The following MYH16 variants were observed in gnomAD, a reference collection of about 807,000 sequenced individuals.
MYH16 encodes the protein putative uncharacterized protein MYH16.
intron 12 of MYH16, chr7:99,260,342 G>C: frequency 1.6e-6 from 2 of 1,240,508 alleles, no homozygotes; most frequent in Admixed American, 1.8e-5. Context: ...AAGGTGACTT[G>C]CTTCTCAAAG....
At chr7:99,239,621 G>T (rs1791640511) in intron 1 of MYH16, among the ~76,000 whole-genome samples, 1 of 152,180 alleles carries the variant, frequency 6.6e-6, no homozygotes, top group Admixed American at 6.5e-5. Flanking sequence ...GACTCAACCT[G>T]GCTTATCGTG....
rs188714885 is a variant in MYH16 at position 99,306,594 on chromosome 7, G to A, written n.5636-15G>A. 316 of 152,522 alleles carry A rather than the reference G, an allele frequency of 2.1e-3. No individual in the cohort carries two copies. Among genetic ancestry groups the A allele is most frequent in the Non-Finnish European group, 3.2e-3 (217 of 68,024 alleles). 9.4% of individuals were successfully genotyped at this position (152,522 alleles called of 1,614,324 possible). ...CCACGTTTATGCCCCGTTTCCCGCC[G>A]TGCCTTTGTCACAGGAGGACCAGGC... On this transcript the variant is annotated splice_polypyrimidine_tract_variant and intron_variant and non_coding_transcript_variant, in intron 41 of 41. Transcript: ENST00000439784.
chr7:99,288,271 G>A (rs564190743), intron 29 of MYH16, 134 bp downstream of exon 10: 137 of 374,778 alleles, frequency 3.7e-4, no homozygotes, highest in Middle Eastern at 9.6e-4. Context: ...GCCAGACCTC[G>A]TCTCCTCAAA....
intron 41 of MYH16, 105 bp downstream of exon 22, chr7:99,306,141 G>A (rs1792675379): frequency 6.6e-6 from 1 of 152,366 alleles, no homozygotes; most frequent in Non-Finnish European, 1.5e-5. Context: ...AGCAAGCACT[G>A]GCCCTAAGAT....
At chr7:99,285,204 C>G (rs1245735642) in intron 26 of MYH16, among the ~76,000 whole-genome samples, 178 bp from the exon 9 acceptor site, 1 of 152,228 alleles carries the variant, frequency 6.6e-6, no homozygotes, top group African/African-American at 2.4e-5. Context: ...TCACACATGC[C>G]AGGCCCCCTC....
exon 6 of MYH16, chr7:99,251,183 C>T (rs1396019428): frequency 1.4e-5 from 3 of 217,410 alleles, no homozygotes; most frequent in Non-Finnish European, 3.0e-5. Context: ...ACTCCTCTCG[C>T]TTCGTAAGTG....
intron 11 of MYH16, chr7:99,260,060 C>T (rs1370183666): frequency 2.2e-6 from 2 of 906,174 alleles, no homozygotes; most frequent in East Asian, 3.1e-5. Context: ...CACTAGTGGG[C>T]CCTCTGCAAA....
intron 25 of MYH16, 27 bp downstream of exon 7, chr7:99,284,045 C>T (rs2150822748): frequency 2.3e-6 from 1 of 431,948 alleles, no homozygotes. Context: ...TTCGTTTTGT[C>T]CATCACAATG....
At chr7:99,284,958 T>C (rs1792258068) in intron 26 of MYH16, 23 bp downstream of exon 8, 1 of 456,318 alleles carries the variant, frequency 2.2e-6, no homozygotes, top group Non-Finnish European at 4.4e-6. Flanking sequence ...CCGAGAAGCA[T>C]GAGCTCTCTG....
rs770391861 is a variant in MYH16 at position 99,292,353 on chromosome 7, C to T, written n.3994C>T. 1.5e-4 allele frequency: 69 copies of T among 456,830 alleles called. 1 individual carries two copies. The highest frequency in any genetic ancestry group is 4.2e-4 in the South Asian group (27 of 64,572). 28.3% of individuals were successfully genotyped at this position (456,830 alleles called of 1,614,324 possible). ...TGGTGAGTCTGGCCAACACCAAGCA[C>T]GACCTGGACCTAGTAAAGGAGCAGC... On this transcript the variant is annotated non_coding_transcript_exon_variant, in exon 32 of 42. Coordinates refer to ENST00000439784, the Ensembl canonical transcript of MYH16.
intron 33 of MYH16, among the ~76,000 whole-genome samples, chr7:99,295,101 G>A (rs11976700): frequency 0.059 from 8,987 of 151,996 alleles, 437 homozygotes; most frequent in African/African-American, 0.12. Context: ...TAATACGGCC[G>A]GGCGCGGTGG....
chr7:99,295,240 G>A (rs548015373), intron 33 of MYH16, among the ~76,000 whole-genome samples: 10 of 152,088 alleles, frequency 6.6e-5, no homozygotes, highest in African/African-American at 1.4e-4. Context: ...TTAGCCGGGC[G>A]TGGTGGCAGG....
intron 1 of MYH16, among the ~76,000 whole-genome samples, chr7:99,240,911 T>A (rs1791660109): frequency 6.6e-6 from 1 of 151,828 alleles, no homozygotes; most frequent in South Asian, 2.1e-4. Flanking sequence ...TCTGCGCCTG[T>A]CTTCGAGAGG....
intron 18 of MYH16, among the ~76,000 whole-genome samples, chr7:99,267,953 C>T (rs1324541895): frequency 6.6e-6 from 1 of 152,210 alleles, no homozygotes; most frequent in East Asian, 1.9e-4. Flanking sequence ...AGTTCTCACG[C>T]ATGACGCAGG....
chr7:99,288,148 TA>T lies in MYH16; in HGVS notation n.3706+13del, dbSNP rs1308808559. 4.4e-6 allele frequency: 2 copies of T among 455,726 alleles called. No homozygotes were observed. Among genetic ancestry groups the T allele is most frequent in the African/African-American group, 4.0e-5 (2 of 50,032 alleles). 28.2% of individuals were successfully genotyped at this position (455,726 alleles called of 1,614,324 possible). A position where few individuals can be genotyped will look rare whatever the true frequency, so the allele number is the denominator to read the frequency against. ...ATACAGAAGTCCAAGGTGAATAACC[TA>T]ACTGTGGGCCGGACGCAGTGGCTCA... On this transcript the variant is annotated intron_variant and non_coding_transcript_variant, in intron 29 of 41. Transcript: ENST00000439784.
chr7:99,279,381 AG>A, intron 21 of MYH16, 128 bp from the exon 4 acceptor site: 29 of 315,046 alleles, frequency 9.2e-5, no homozygotes, highest in Admixed American at 2.2e-4. Flanking sequence ...AAAAAAAAAA[AG>A]GAGCTCGAGA....
intron 22 of MYH16, among the ~76,000 whole-genome samples, 196 bp from the exon 5 acceptor site, chr7:99,280,680 C>T (rs1233968055): frequency 6.6e-6 from 1 of 152,158 alleles, no homozygotes; most frequent in Admixed American, 6.5e-5. Flanking sequence ...ATGCCACTGC[C>T]GACATCCGGG....
exon 35 of MYH16, chr7:99,297,725 T>C: frequency 2.2e-6 from 1 of 455,986 alleles, no homozygotes; most frequent in Non-Finnish European, 4.4e-6. Context: ...ACTGCAGAAG[T>C]TGAAGAAAAA....
In MYH16 at chr7:99,302,317, TACACACACACAC is replaced by T. The variant is rs201230482; in HGVS notation, n.5137+549_5137+560del. Among the ~76,000 whole-genome samples, 183 of 95,562 alleles carry T rather than the reference TACACACACACAC, an allele frequency of 1.9e-3. 3 individuals carry two copies. Among genetic ancestry groups the T allele is most frequent in the African/African-American group, 6.5e-3 (141 of 21,688 alleles). The allele number at this position is 95,562 out of a possible 152,430, so 62.7% of individuals were successfully genotyped here. A position where few individuals can be genotyped will look rare whatever the true frequency, so the allele number is the denominator to read the frequency against. The stretch of plus-strand genomic sequence containing the variant: ...ACCATCTCAAAAAAAAAAAAATATA[TACACACACACAC>T]ACACACACACACACACACACACACA... On this transcript the variant is annotated intron_variant and non_coding_transcript_variant, in intron 38 of 41. Transcript: ENST00000439784.
Sources: allele counts gnomAD v4.1 joint callset (sites outside exome capture counted in the v4.1 genomes callset), GRCh38; gene constraint gnomAD v4.1.1; transcripts MANE v1.5; gene names NCBI Gene and HGNC (gene_info 2026-07-23, HGNC 2026-07-21).